Variants in PLCB1 observed in about 807,000 individuals in gnomAD.
PLCB1 encodes the protein 1-phosphatidylinositol 4,5-bisphosphate phosphodiesterase beta-1.
Under a neutral mutation model 161.8 loss-of-function variants are expected in PLCB1, and 46 were observed. The observed-to-expected ratio is 0.28, with a 90% CI of 0.22 to 0.36. The LOEUF (loss-of-function observed/expected upper bound fraction) is 0.36. Ranked by LOEUF, PLCB1 falls within the 10% of genes least tolerant of loss-of-function variation. The pLI, the probability that PLCB1 is intolerant of heterozygous loss-of-function variation, is 1.00. For missense variants in PLCB1, 1,016 were observed against 1,472.5 expected (o/e 0.69, Z 5.07); for synonymous variants, 517 against 503.7 (o/e 1.03, Z -0.35).
chr20:8,428,208 G>C (rs532921871), intron 3 of PLCB1, among the ~76,000 whole-genome samples: 215 of 139,524 alleles, frequency 1.5e-3, no homozygotes, highest in Non-Finnish European at 2.7e-3. Flanking sequence ...CAACTGTAAG[G>C]GTAGTCAGGG....
intron 2 of PLCB1, among the ~76,000 whole-genome samples, chr20:8,295,293 G>A (rs748018100): frequency 6.6e-6 from 1 of 152,128 alleles, no homozygotes; most frequent in Non-Finnish European, 1.5e-5. Context: ...ACACACAAAT[G>A]TGTGATACAC....
At chr20:8,239,563 G>A (rs1980501001) in intron 2 of PLCB1, among the ~76,000 whole-genome samples, 1 of 150,600 alleles carries the variant, frequency 6.6e-6, no homozygotes, top group Non-Finnish European at 1.5e-5. Context: ...GTGCTTCAGT[G>A]TTCTCTTTGT....
Position 8,737,084 on chromosome 20 carries a change from T to C in PLCB1, c.2100T>C (p.Asp700=), listed in dbSNP as rs1810685406. ...AAGTTGGGACTTACGTGGAAGTAGA[T>C]ATGTTTGGTTTGCCTGTGGATACAA... ...DKKVGTYVEV[D]MFGLPVDTRR... The change falls in exon 20 of 32, where the codon GAT becomes GAC. Residue 700 remains aspartate, a synonymous_variant. Transcript: ENST00000338037. The C allele has an allele frequency of 1.9e-6, 3 of 1,613,682 alleles. No individual in the cohort carries two copies. Among genetic ancestry groups the C allele is most frequent in the Non-Finnish European group, 2.5e-6 (3 of 1,179,626 alleles).
At chr20:8,600,424 TCAGGGACC>T (rs1258380927) in intron 3 of PLCB1, among the ~76,000 whole-genome samples, 1 of 143,678 alleles carries the variant, frequency 7.0e-6, no homozygotes, top group Non-Finnish European at 1.5e-5. Flanking sequence ...GGGTCAGGGG[TCAGGGACC>T]CACTTGAGGA....
At chr20:8,711,984 G>A (rs996657785) in intron 12 of PLCB1, among the ~76,000 whole-genome samples, 5 of 152,082 alleles carry the variant, frequency 3.3e-5, no homozygotes, top group East Asian at 1.9e-4. Context: ...TGGGCCACAC[G>A]TCCAAAACAA....
intron 2 of PLCB1, among the ~76,000 whole-genome samples, chr20:8,319,181 G>C (rs1184460724): frequency 1.3e-5 from 2 of 152,104 alleles, no homozygotes; most frequent in East Asian, 3.9e-4. Flanking sequence ...TTCTATTATT[G>C]CATCAGTTAT....
intron 3 of PLCB1, among the ~76,000 whole-genome samples, chr20:8,440,543 G>A (rs1980513032): frequency 6.6e-6 from 1 of 152,088 alleles, no homozygotes; most frequent in South Asian, 2.1e-4. Context: ...TCTTGTCTAT[G>A]GATCCAGACA....
At chr20:8,623,842 GCCACTGGTACAC>G (rs1988254094) in intron 3 of PLCB1, 2 of 152,176 alleles carry the variant, frequency 1.3e-5, no homozygotes, top group South Asian at 4.1e-4. Flanking sequence ...AGCCGCCTAA[GCCACTGGTACAC>G]CCTGGTGAAC....
intron 2 of PLCB1, among the ~76,000 whole-genome samples, chr20:8,278,576 C>T (rs1982711521): frequency 6.6e-6 from 1 of 151,638 alleles, no homozygotes; most frequent in South Asian, 2.1e-4. Flanking sequence ...GGATATCAAA[C>T]AGCCAATAAA....
chr20:8,245,439 TG>T (rs35197111), intron 2 of PLCB1, among the ~76,000 whole-genome samples: 3 of 151,966 alleles, frequency 2.0e-5, no homozygotes, highest in Admixed American at 6.6e-5. Context: ...TAAAACTTCA[TG>T]GAAATTCCTG....
intron 10 of PLCB1, among the ~76,000 whole-genome samples, chr20:8,690,745 A>C (rs1189581918): frequency 1.3e-5 from 2 of 152,222 alleles, no homozygotes; most frequent in African/African-American, 4.8e-5. Flanking sequence ...TCCCCAGGAA[A>C]GGAGGGGATT....
chr20:8,269,865 T>A (rs141658086), intron 2 of PLCB1, among the ~76,000 whole-genome samples: 6 of 152,160 alleles, frequency 3.9e-5, no homozygotes, highest in African/African-American at 1.4e-4. Flanking sequence ...ATGTAAACAT[T>A]CTTTATTTGT....
chr20:8,715,461 G>A (rs569600615), intron 12 of PLCB1, among the ~76,000 whole-genome samples: 1 of 152,228 alleles, frequency 6.6e-6, no homozygotes, highest in African/African-American at 2.4e-5. Flanking sequence ...AGCACCCTCT[G>A]TCCCTTTCCA....
chr20:8,844,426 G>C (rs1053303242), intron 31 of PLCB1, among the ~76,000 whole-genome samples: 1 of 152,180 alleles, frequency 6.6e-6, no homozygotes, highest in Non-Finnish European at 1.5e-5. Context: ...GCCCTTGAAC[G>C]TGTGGGACAG....
chr20:8,300,773 G>C (rs1341829821), intron 2 of PLCB1, among the ~76,000 whole-genome samples: 1 of 152,052 alleles, frequency 6.6e-6, no homozygotes, highest in East Asian at 1.9e-4. Context: ...CACAATGCCT[G>C]GTACATTGTT....
chr20:8,496,309 A>G (rs1192387360), intron 3 of PLCB1, among the ~76,000 whole-genome samples: 1 of 149,156 alleles, frequency 6.7e-6, no homozygotes, highest in Non-Finnish European at 1.5e-5. Flanking sequence ...CCTCGGCAAC[A>G]TGGCAAGACC....
chr20:8,374,148 G>A (rs990019463), intron 3 of PLCB1, among the ~76,000 whole-genome samples: 1 of 152,052 alleles, frequency 6.6e-6, no homozygotes, highest in African/African-American at 2.4e-5. Flanking sequence ...CATGTGTCGA[G>A]GGAGAGACCA....
chr20:8,216,791 T>G (rs1399082359), intron 2 of PLCB1, among the ~76,000 whole-genome samples: 2 of 152,124 alleles, frequency 1.3e-5, no homozygotes, highest in African/African-American at 4.8e-5. Flanking sequence ...CATAAAAATA[T>G]TTGACATCTG....
At chr20:8,701,579 T>G (rs1457163104) in intron 11 of PLCB1, among the ~76,000 whole-genome samples, 1 of 152,190 alleles carries the variant, frequency 6.6e-6, no homozygotes, top group Non-Finnish European at 1.5e-5. Context: ...CTTCCAACAA[T>G]CTGCCTAATT....
Sources: gnomAD v4.1 joint callset for allele counts (sites outside exome capture counted in the v4.1 genomes callset) on GRCh38, gnomAD v4.1.1 for gene constraint, MANE v1.5 for transcripts, NCBI Gene and HGNC (gene_info 2026-07-23, HGNC 2026-07-21) for gene names.